The following QTMAN variants were observed in gnomAD, a reference collection of about 807,000 sequenced individuals.
QTMAN encodes tRNA-queuosine alpha-mannosyltransferase.
At chr2:144,171,065 A>C in the QTMAN span, among the ~76,000 whole-genome samples, 7 of 152,190 alleles carry the variant, frequency 4.6e-5, no homozygotes, top group African/African-American at 1.7e-4. Flanking sequence ...GTCACTCAAC[A>C]AATTTTCATC....
the QTMAN span, among the ~76,000 whole-genome samples, chr2:144,313,115 C>A: frequency 6.6e-6 from 1 of 152,080 alleles, no homozygotes; most frequent in African/African-American, 2.4e-5. Flanking sequence ...AATCCAAATC[C>A]TGGGCTGGAA....
the QTMAN span, among the ~76,000 whole-genome samples, chr2:144,095,633 T>G: frequency 6.6e-6 from 1 of 152,140 alleles, no homozygotes; most frequent in African/African-American, 2.4e-5. Flanking sequence ...CTGGTATGCT[T>G]TTGAGCATAG....
the QTMAN span, among the ~76,000 whole-genome samples, chr2:144,085,423 AG>A: frequency 6.6e-6 from 1 of 152,248 alleles, no homozygotes; most frequent in Non-Finnish European, 1.5e-5. Context: ...TTTGCTAGTC[AG>A]TAACATCAAC....
At chr2:144,106,229 T>A in the QTMAN span, among the ~76,000 whole-genome samples, 15 of 152,174 alleles carry the variant, frequency 9.9e-5, no homozygotes, top group African/African-American at 3.6e-4. Flanking sequence ...AACATCATAA[T>A]GACAGGATCA....
the QTMAN span, among the ~76,000 whole-genome samples, chr2:143,989,207 A>C: frequency 6.6e-6 from 1 of 151,608 alleles, no homozygotes; most frequent in Non-Finnish European, 1.5e-5. Flanking sequence ...TCTAGTTCCG[A>C]CTCTATCTCC....
At chr2:144,095,341 T>C in the QTMAN span, among the ~76,000 whole-genome samples, 1 of 152,218 alleles carries the variant, frequency 6.6e-6, no homozygotes, top group South Asian at 2.1e-4. Flanking sequence ...TCTGTAAGTA[T>C]GCACTGAATT....
chr2:144,254,758 G>A, the QTMAN span, among the ~76,000 whole-genome samples: 4 of 152,234 alleles, frequency 2.6e-5, no homozygotes. Context: ...AGTCGGGAGG[G>A]AAGCTGTACC....
At chr2:144,229,021 A>C in the QTMAN span, among the ~76,000 whole-genome samples, 1 of 152,326 alleles carries the variant, frequency 6.6e-6, no homozygotes, top group Non-Finnish European at 1.5e-5. Context: ...AAGACTCCAC[A>C]CATACACTTG....
chr2:144,054,817 C>A, the QTMAN span, among the ~76,000 whole-genome samples: 1 of 152,196 alleles, frequency 6.6e-6, no homozygotes, highest in Admixed American at 6.5e-5. Context: ...TAATGCCTTT[C>A]TTTTCCCCTT....
chr2:144,021,865 G>C, the QTMAN span, among the ~76,000 whole-genome samples: 98 of 152,248 alleles, frequency 6.4e-4, no homozygotes, highest in African/African-American at 2.3e-3. Flanking sequence ...TAGGGTGAGG[G>C]AAAATGTGCG....
chr2:144,039,777 CA>C, the QTMAN span, among the ~76,000 whole-genome samples: 1 of 152,140 alleles, frequency 6.6e-6, no homozygotes, highest in Admixed American at 6.5e-5. Context: ...AAAGCTGTAC[CA>C]TCCATCTCCA....
chr2:144,110,068 G>A, the QTMAN span, among the ~76,000 whole-genome samples: 7 of 152,128 alleles, frequency 4.6e-5, no homozygotes, highest in Non-Finnish European at 7.4e-5. Flanking sequence ...TATAAATCAC[G>A]CTGCTATAAA....
chr2:143,974,829 T>C, the QTMAN span, among the ~76,000 whole-genome samples: 1 of 152,218 alleles, frequency 6.6e-6, no homozygotes, highest in Non-Finnish European at 1.5e-5. Context: ...ATTTTTTTGC[T>C]TAGCCCTGTA....
chr2:143,994,394 C>G, the QTMAN span, among the ~76,000 whole-genome samples: 55 of 152,168 alleles, frequency 3.6e-4, no homozygotes, highest in African/African-American at 1.3e-3. Flanking sequence ...AGGTATCTAA[C>G]CCCCCCAAAG....
chr2:143,938,327 T>C, the QTMAN span: 1 of 152,230 alleles, frequency 6.6e-6, no homozygotes, highest in African/African-American at 2.4e-5. Context: ...AACTCCACCG[T>C]GTCCCGAATT....
At chr2:144,329,442 G>A in the QTMAN span, among the ~76,000 whole-genome samples, 2 of 152,120 alleles carry the variant, frequency 1.3e-5, no homozygotes, top group South Asian at 2.1e-4. Flanking sequence ...GTAAAGTTAC[G>A]TTCCTTATAA....
At chr2:144,274,864 C>T in the QTMAN span, among the ~76,000 whole-genome samples, 1 of 152,072 alleles carries the variant, frequency 6.6e-6, no homozygotes, top group African/African-American at 2.4e-5. Context: ...CAGATCACAA[C>T]CAGGGACTTG....
At chr2:144,134,724 T>C in the QTMAN span, among the ~76,000 whole-genome samples, 1 of 152,156 alleles carries the variant, frequency 6.6e-6, no homozygotes, top group Non-Finnish European at 1.5e-5. Flanking sequence ...GAAACCCAGA[T>C]AAAGTATATA....
At chr2:144,271,414 C>T in the QTMAN span, among the ~76,000 whole-genome samples, 2 of 152,156 alleles carry the variant, frequency 1.3e-5, no homozygotes, top group Non-Finnish European at 2.9e-5. Context: ...CACCAGCATA[C>T]AGAAGGAACC....
Sources: allele counts gnomAD v4.1 joint callset (sites outside exome capture counted in the v4.1 genomes callset), GRCh38; gene constraint gnomAD v4.1.1; transcripts MANE v1.5; gene names NCBI Gene and HGNC (gene_info 2026-07-23, HGNC 2026-07-21).